Variants in ZNF385D observed in about 807,000 individuals in gnomAD.
ZNF385D encodes zinc finger protein 659.
ZNF385D carries 15 observed loss-of-function variants against 35.8 expected under a neutral mutation model. The ratio of observed to expected loss-of-function variants is 0.42; its 90% CI spans 0.28 to 0.64. The LOEUF is 0.64. Ranked by LOEUF, ZNF385D falls within the 30% of genes least tolerant of loss-of-function variation. ZNF385D has a pLI of 0.23. For missense variants in ZNF385D, 474 were observed against 494.6 expected (o/e 0.96, Z 0.39); for synonymous variants, 212 against 186.8 (o/e 1.13, Z -1.10).
chr3:21,522,925 C>T (rs933916414), intron 3 of ZNF385D, among the ~76,000 whole-genome samples: 1 of 152,164 alleles, frequency 6.6e-6, no homozygotes, highest in Non-Finnish European at 1.5e-5. Context: ...TAACAGCACA[C>T]TATCCACCGG....
At position 21,779,102 on chromosome 3, in the gene ZNF385D, G is replaced by C. The variant is rs534989138; in HGVS notation, c.326-114074C>G. On this transcript the variant is annotated intron_variant, in intron 3 of 5. Transcript: ENST00000494108. ...CTGGAGGTGGCAAAAATCAACCACA[G>C]TCAGAGCTGGGACGTGGAAAATGCC... is the stretch of plus-strand genomic sequence containing the variant. Among the ~76,000 whole-genome samples, 6 of 152,084 alleles carry C rather than the reference G, an allele frequency of 3.9e-5. No homozygotes were observed. In the South Asian group the frequency reaches 1.2e-3, roughly 32 times the overall value.
chr3:22,062,534 A>G (rs1206260182), intron 3 of ZNF385D, among the ~76,000 whole-genome samples: 1 of 152,204 alleles, frequency 6.6e-6, no homozygotes, highest in African/African-American at 2.4e-5. Context: ...CTAACTTGTG[A>G]TCAAAATTTG....
intron 3 of ZNF385D, among the ~76,000 whole-genome samples, chr3:21,957,488 G>A (rs1453073569): frequency 6.6e-6 from 1 of 152,086 alleles, no homozygotes; most frequent in Admixed American, 6.6e-5. Context: ...CCAGGCTGAG[G>A]TGGTCTCAGA....
At chr3:22,016,411 G>A (rs1218967611) in intron 3 of ZNF385D, among the ~76,000 whole-genome samples, 4 of 152,174 alleles carry the variant, frequency 2.6e-5, no homozygotes, top group South Asian at 4.2e-4. Flanking sequence ...AGTATCCCAC[G>A]ATGACAGGCA....
At chr3:21,905,205 C>CAAAAAAAAAAAAAAAAAAAAAAAAA (rs63147760) in intron 3 of ZNF385D, among the ~76,000 whole-genome samples, 1 of 69,726 alleles carries the variant, frequency 1.4e-5, no homozygotes, top group African/African-American at 5.7e-5. Context: ...ACAAAAAATC[C>CAAAAAAAAAAAAAAAAAAAAAAAAA]AAAAAAAAAA....
chr3:22,088,846 C>G (rs570699559), intron 3 of ZNF385D, among the ~76,000 whole-genome samples: 120 of 152,200 alleles, frequency 7.9e-4, no homozygotes, highest in African/African-American at 2.7e-3. Flanking sequence ...TAATCCTTCT[C>G]CAGTGCAGCT....
chr3:21,764,829 A>G (rs550216808), intron 3 of ZNF385D, among the ~76,000 whole-genome samples: 1 of 152,254 alleles, frequency 6.6e-6, no homozygotes, highest in Admixed American at 6.5e-5. Context: ...AAGTTTTTAC[A>G]TTTATATGCA....
intron 3 of ZNF385D, among the ~76,000 whole-genome samples, chr3:21,928,237 C>T (rs183497980): frequency 8.6e-4 from 112 of 130,854 alleles, no homozygotes; most frequent in African/African-American, 2.8e-3. Context: ...GACGGACAGA[C>T]GGAAGGAAGA....
intron 2 of ZNF385D, among the ~76,000 whole-genome samples, chr3:22,235,430 C>CA: frequency 6.6e-6 from 1 of 152,028 alleles, no homozygotes; most frequent in Non-Finnish European, 1.5e-5. Context: ...GGACGAAACA[C>CA]TCAGAGGGCA....
At chr3:22,367,037 T>C (rs1209060530) in intron 2 of ZNF385D, among the ~76,000 whole-genome samples, 1 of 152,204 alleles carries the variant, frequency 6.6e-6, no homozygotes, top group Non-Finnish European at 1.5e-5. Context: ...CATCTGGCTC[T>C]AGAATTTTGA....
rs80319335 is a variant in ZNF385D at position 21,554,703 on chromosome 3, G to A, written c.276+9871C>T. 2.4e-4 allele frequency among the ~76,000 whole-genome samples: 36 copies of A among 152,120 alleles called. No homozygotes were observed. The East Asian group carries it at 5.0e-3, about 21-fold the overall frequency. On this transcript the variant is annotated intron_variant, in intron 3 of 7. Transcript: ENST00000281523. ...GGTAGTGTAGCCATCTTTTTTCAGC[G>A]GCCTTAACTGGATCTTCTGGATTAC...
At chr3:21,782,231 A>G (rs2071518716) in intron 3 of ZNF385D, among the ~76,000 whole-genome samples, 1 of 152,110 alleles carries the variant, frequency 6.6e-6, no homozygotes. Context: ...AAGGAAGAAG[A>G]CAGCTGATAC....
At chr3:21,944,627 T>C (rs1388538174) in intron 3 of ZNF385D, among the ~76,000 whole-genome samples, 1 of 152,164 alleles carries the variant, frequency 6.6e-6, no homozygotes, top group Non-Finnish European at 1.5e-5. Flanking sequence ...TTCAAAGCAG[T>C]TCAGCTGAAG....
chr3:21,595,681 A>G (rs1360314090), intron 2 of ZNF385D, among the ~76,000 whole-genome samples: 1 of 152,078 alleles, frequency 6.6e-6, no homozygotes, highest in East Asian at 1.9e-4. Flanking sequence ...TGATCTAGCC[A>G]AGGGTAGCAC....
chr3:21,803,083 T>C (rs928384493), intron 3 of ZNF385D, among the ~76,000 whole-genome samples: 19 of 152,190 alleles, frequency 1.2e-4, no homozygotes, highest in Admixed American at 1.1e-3. Context: ...AAGTTATTGT[T>C]ACCCCTCCCC....
At chr3:22,310,091 T>C (rs74983552) in intron 2 of ZNF385D, among the ~76,000 whole-genome samples, 38 of 152,116 alleles carry the variant, frequency 2.5e-4, no homozygotes, top group African/African-American at 7.0e-4. Flanking sequence ...CTAGTCTGGA[T>C]CTTATATTGT....
intron 3 of ZNF385D, among the ~76,000 whole-genome samples, chr3:22,028,280 T>C (rs1279320399): frequency 1.3e-5 from 2 of 152,164 alleles, no homozygotes; most frequent in Non-Finnish European, 2.9e-5. Context: ...TAGAATGACC[T>C]GTTCTGTCAA....
At chr3:21,990,238 G>C (rs13096068) in intron 3 of ZNF385D, among the ~76,000 whole-genome samples, 16,167 of 152,224 alleles carry the variant, frequency 0.11, 1,162 homozygotes, top group South Asian at 0.24. Flanking sequence ...TGTCATCTTA[G>C]GGGTTTATTG....
intron 3 of ZNF385D, among the ~76,000 whole-genome samples, chr3:22,153,730 C>CT (rs1463118458): frequency 6.6e-6 from 1 of 152,102 alleles, no homozygotes; most frequent in Non-Finnish European, 1.5e-5. Context: ...TCCCAAAGTG[C>CT]TGGCATTAAT....
Sources: gnomAD v4.1 joint callset for allele counts (sites outside exome capture counted in the v4.1 genomes callset) on GRCh38, gnomAD v4.1.1 for gene constraint, MANE v1.5 for transcripts, NCBI Gene and HGNC (gene_info 2026-07-23, HGNC 2026-07-21) for gene names.